The following USP32 variants were observed in gnomAD, a reference collection of about 807,000 sequenced individuals.
USP32 encodes ubiquitin specific peptidase 32, also known as ubiquitin carboxyl-terminal hydrolase 32.
USP32 carries 59 observed loss-of-function variants against 204.8 expected under a neutral mutation model. That is an observed-to-expected ratio of 0.29 (90% CI 0.23 to 0.36). The LOEUF (loss-of-function observed/expected upper bound fraction) is 0.36, where lower values mean the gene tolerates loss of function less well. Among genes scored for constraint, USP32 ranks in the 10% least tolerant of loss-of-function variants. The pLI, the probability that USP32 is intolerant of heterozygous loss-of-function variation, is 1.00. For missense variants in USP32, 1,160 were observed against 1,946.4 expected (o/e 0.60, Z 7.60); for synonymous variants, 517 against 678.4 (o/e 0.76, Z 3.70).
At chr17:60,341,160 T>A (rs1278835522) in intron 2 of USP32, among the ~76,000 whole-genome samples, 2 of 152,242 alleles carry the variant, frequency 1.3e-5, no homozygotes, top group Non-Finnish European at 2.9e-5. Flanking sequence ...GGGGTTGCTC[T>A]TCTTGAGGAG....
At chr17:60,214,916 C>G in intron 16 of USP32, 142 bp from the exon 17 acceptor site, 2 of 1,494,840 alleles carry the variant, frequency 1.3e-6, no homozygotes, top group Non-Finnish European at 8.9e-7. Flanking sequence ...ATGAAGAGTA[C>G]CAAAACGCTT....
At chr17:60,243,820 G>A (rs370561663) in intron 11 of USP32, among the ~76,000 whole-genome samples, 13 of 151,994 alleles carry the variant, frequency 8.6e-5, no homozygotes, top group Non-Finnish European at 1.9e-4. Context: ...TTGGCTGAAG[G>A]GTTCTGTTGG....
At chr17:60,341,028 C>CCTA (rs2088645542) in intron 2 of USP32, among the ~76,000 whole-genome samples, 2 of 152,046 alleles carry the variant, frequency 1.3e-5, no homozygotes, top group Non-Finnish European at 2.9e-5. Flanking sequence ...AGGGCTTTTG[C>CCTA]CTAGAGACCC....
intron 6 of USP32, among the ~76,000 whole-genome samples, chr17:60,270,737 C>CCTA (rs2086704141): frequency 2.0e-5 from 3 of 151,060 alleles, no homozygotes; most frequent in African/African-American, 4.9e-5. Flanking sequence ...ATAGGAGAAT[C>CCTA]GCTTGAACCC....
At chr17:60,339,810 C>T (rs2088615383) in intron 2 of USP32, among the ~76,000 whole-genome samples, 1 of 152,060 alleles carries the variant, frequency 6.6e-6, no homozygotes, top group Non-Finnish European at 1.5e-5. Flanking sequence ...AAGTGGTTAT[C>T]CTTTTTAAGT....
rs550900845 is a variant in USP32 at position 60,211,428 on chromosome 17, G to A, written c.2266C>T (p.Gln756Ter). 1 of 1,613,776 alleles carries A rather than the reference G, an allele frequency of 6.2e-7. No homozygotes were observed. The highest frequency in any genetic ancestry group is 1.3e-5 in the African/African-American group (1 of 75,016). Reference protein sequence around the residue: ...NSSIQCVSNTQPLTQYFISGR... With the variant: ...NSSIQCVSNT Reference sequence around the variant, plus strand: ...GAGATAAAATACTGTGTCAGTGGCTGTGTGTTACTAACACACTGGATGCTT... The same window carrying A: ...GAGATAAAATACTGTGTCAGTGGCTATGTGTTACTAACACACTGGATGCTT... The change falls in exon 20 of 34, where the codon CAG (glutamine) becomes TAG (stop). Residue 756 changes from glutamine (Q) to a stop codon, truncating the protein, a stop_gained. Coordinates refer to ENST00000300896, the MANE Select transcript of USP32 (RefSeq NM_032582.4). LOFTEE classifies it high-confidence loss of function.
chr17:60,225,666 T>A (rs760792293), intron 13 of USP32, among the ~76,000 whole-genome samples: 1 of 151,264 alleles, frequency 6.6e-6, no homozygotes, highest in East Asian at 2.0e-4. Context: ...TAACTATCCA[T>A]GGGGAGGCCA....
upstream of USP32, chr17:60,392,222 T>G: frequency 2.6e-6 from 1 of 384,018 alleles, no homozygotes; most frequent in East Asian, 5.7e-5. Context: ...CCTCACGCCC[T>G]CTTGCCACTT....
intron 2 of USP32, among the ~76,000 whole-genome samples, chr17:60,333,162 A>T (rs989509965): frequency 6.6e-6 from 1 of 152,236 alleles, no homozygotes; most frequent in African/African-American, 2.4e-5. Context: ...AAATCTGAGT[A>T]TAACTTTGGA....
At chr17:60,213,864 G>A (rs1392333046) in intron 17 of USP32, among the ~76,000 whole-genome samples, 1 of 151,870 alleles carries the variant, frequency 6.6e-6, no homozygotes, top group Non-Finnish European at 1.5e-5. Flanking sequence ...CTTCATAAGC[G>A]TTATCTTTCT....
intron 2 of USP32, among the ~76,000 whole-genome samples, chr17:60,329,620 TATAGA>T (rs2088331100): frequency 6.6e-6 from 1 of 152,176 alleles, no homozygotes. Flanking sequence ...TTCTTAAATT[TATAGA>T]ATAGAACACT....
intron 1 of USP32, among the ~76,000 whole-genome samples, chr17:60,371,109 C>G (rs1184870398): frequency 1.3e-5 from 2 of 151,496 alleles, no homozygotes; most frequent in Non-Finnish European, 2.9e-5. Flanking sequence ...AAACAATTAG[C>G]TGGGTATGGT....
rs1198967546 is a variant in USP32, at chr17:60,217,234, C to T, written c.1867+2436G>A. Among the ~76,000 whole-genome samples, 4 of 152,124 alleles carry T rather than the reference C, an allele frequency of 2.6e-5. No homozygotes were observed. The East Asian group carries it at 7.7e-4, about 29-fold the overall frequency. On this transcript the variant is annotated intron_variant, in intron 16 of 33. Transcript: ENST00000300896. The stretch of plus-strand genomic sequence containing the variant: ...AAGCAGCAAAAATCTAGGATCAGCA[C>T]AAGAGTTACAAAGAATACCTACTAA...
chr17:60,209,627 T>C (rs933020116), intron 21 of USP32, 84 bp from the exon 22 acceptor site: 7 of 911,104 alleles, frequency 7.7e-6, no homozygotes, highest in African/African-American at 1.7e-5. Context: ...ATCAGAGCCA[T>C]TGTAAGAAAA....
chr17:60,215,209 C>T lies in USP32; in HGVS notation c.1868-435G>A, dbSNP rs550204344. Among the ~76,000 whole-genome samples, 20 of 152,266 alleles carry T rather than the reference C, an allele frequency of 1.3e-4. No homozygotes were observed. In the South Asian group the frequency reaches 1.5e-3, roughly 11 times the overall value. Reference sequence around the variant, plus strand: ...CTGGTCTCTAACTCCTGGGCTCAAGCGATCCACCTGCCTCGGCTTCCCAAA... The same window carrying T: ...CTGGTCTCTAACTCCTGGGCTCAAGTGATCCACCTGCCTCGGCTTCCCAAA... On this transcript the variant is annotated intron_variant, in intron 16 of 33. Transcript: ENST00000300896.
upstream of USP32, among the ~76,000 whole-genome samples, chr17:60,396,443 G>T (rs1210910404): frequency 6.6e-6 from 1 of 152,102 alleles, no homozygotes. Flanking sequence ...TAATGTAAAA[G>T]ATCACTTCCA....
intron 2 of USP32, among the ~76,000 whole-genome samples, chr17:60,329,476 A>ATT (rs1379268518): frequency 1.3e-5 from 2 of 149,052 alleles, no homozygotes; most frequent in Non-Finnish European, 3.0e-5. Flanking sequence ...ATTTGTTTTT[A>ATT]TTTATTTTTT....
At position 60,252,408 on chromosome 17, in the gene USP32, G is replaced by A; in HGVS notation, c.1109C>T (p.Thr370Ile). The change falls in exon 11 of 34, where the codon ACT (threonine) becomes ATT (isoleucine). Residue 370 changes from threonine to isoleucine, a missense_variant. By Grantham distance (89) the Thr-to-Ile change is moderately conservative (BLOSUM62 -1). This residue lies in a region of USP32 where 536 missense variants were observed against 680.9 expected (regional missense o/e 0.79). Transcript: ENST00000300896. ...AATAATTTGTCCTTCTTCTTCCGGA[G>A]TAGCTGGTCTTAACCCCAGAACTAT... is the stretch of plus-strand genomic sequence containing the variant. ...CHIVLGLRPA[T>I]PEEEGQIIRG... 6.2e-7 allele frequency: 1 copy of A among 1,609,902 alleles called. No homozygotes were observed. Among genetic ancestry groups the A allele is most frequent in the South Asian group, 1.1e-5 (1 of 90,180 alleles).
At chr17:60,232,708 G>A (rs575804904) in intron 12 of USP32, among the ~76,000 whole-genome samples, 83 of 151,572 alleles carry the variant, frequency 5.5e-4, no homozygotes, top group Non-Finnish European at 1.1e-3. Flanking sequence ...CACCATACCC[G>A]GCTAATTTTT....
Sources: allele counts gnomAD v4.1 joint callset (sites outside exome capture counted in the v4.1 genomes callset), GRCh38; gene constraint gnomAD v4.1.1; regional missense constraint gnomAD v4.1.1; transcripts MANE v1.5; gene names NCBI Gene and HGNC (gene_info 2026-07-23, HGNC 2026-07-21).